The following SNX13 variants were observed in gnomAD, a reference collection of about 807,000 sequenced individuals.
SNX13 encodes sorting nexin-13.
SNX13 carries 45 observed loss-of-function variants against 133.6 expected under a neutral mutation model. The observed-to-expected ratio is 0.34, with a 90% CI of 0.27 to 0.43. The LOEUF is 0.43. Ranked by LOEUF, SNX13 falls within the 20% of genes least tolerant of loss-of-function variation. SNX13 has a pLI of 1.00. For synonymous variants in SNX13, 414 were observed against 373.9 expected (o/e 1.11, Z -1.24); for missense variants, 1,032 against 1,145.1 (o/e 0.90, Z 1.43).
At chr7:17,828,618 T>G (rs917683164) in intron 16 of SNX13, among the ~76,000 whole-genome samples, 2 of 151,624 alleles carry the variant, frequency 1.3e-5, no homozygotes, top group Admixed American at 6.6e-5. Flanking sequence ...TCACTAAAAT[T>G]TGTCTACATG....
chr7:17,933,532 G>C (rs965288439), intron 1 of SNX13, among the ~76,000 whole-genome samples: 3 of 149,960 alleles, frequency 2.0e-5, no homozygotes, highest in African/African-American at 7.4e-5. Flanking sequence ...AACAGAGCGA[G>C]ACTCTGTCTC....
intron 3 of SNX13, among the ~76,000 whole-genome samples, chr7:17,892,410 A>G (rs2127993820): frequency 6.6e-6 from 1 of 151,980 alleles, no homozygotes; most frequent in Admixed American, 6.6e-5. Context: ...AATATTTCCT[A>G]TTCTCTGTAT....
chr7:17,906,085 T>C (rs1422577834), intron 1 of SNX13, among the ~76,000 whole-genome samples: 1 of 152,186 alleles, frequency 6.6e-6, no homozygotes, highest in East Asian at 1.9e-4. Flanking sequence ...TTCAAGAGTT[T>C]CCAAAAAGTA....
At chr7:17,915,752 G>T (rs1799493103) in intron 1 of SNX13, among the ~76,000 whole-genome samples, 1 of 152,144 alleles carries the variant, frequency 6.6e-6, no homozygotes, top group Non-Finnish European at 1.5e-5. Flanking sequence ...GATCAACAAG[G>T]CAGAAAACTA....
intron 1 of SNX13, among the ~76,000 whole-genome samples, chr7:17,939,894 G>C (rs1163391916): frequency 6.6e-6 from 1 of 152,218 alleles, no homozygotes; most frequent in Non-Finnish European, 1.5e-5. Flanking sequence ...CCAGGGACCA[G>C]AGAAAGGAGA....
chr7:17,848,576 C>CAGCT (rs952293109), intron 11 of SNX13, among the ~76,000 whole-genome samples: 13 of 152,188 alleles, frequency 8.5e-5, no homozygotes, highest in African/African-American at 3.1e-4. Flanking sequence ...TCTGACTGGA[C>CAGCT]AGCTGTAGGG....
chr7:17,803,880 T>TAAC (rs1554303735), intron 20 of SNX13, among the ~76,000 whole-genome samples: 2 of 77,738 alleles, frequency 2.6e-5, no homozygotes, highest in African/African-American at 9.3e-5. Flanking sequence ...ACCCCATCTC[T>TAAC]AAAAAAAAAA....
intron 1 of SNX13, among the ~76,000 whole-genome samples, chr7:17,932,711 A>G (rs1194593097): frequency 6.6e-6 from 1 of 152,200 alleles, no homozygotes; most frequent in Admixed American, 6.5e-5. Flanking sequence ...TACTTTCACC[A>G]GGTTGACTCT....
chr7:17,845,083 G>C (rs550535876), intron 12 of SNX13, among the ~76,000 whole-genome samples: 20 of 152,060 alleles, frequency 1.3e-4, no homozygotes, highest in Non-Finnish European at 2.9e-4. Flanking sequence ...GGAAGTACTA[G>C]GCAGAGAAAT....
At chr7:17,836,497 C>T (rs949973944) in intron 13 of SNX13, among the ~76,000 whole-genome samples, 1 of 152,076 alleles carries the variant, frequency 6.6e-6, no homozygotes, top group African/African-American at 2.4e-5. Context: ...CAGAGTGAGA[C>T]TCCGTCTCAA....
chr7:17,794,488 G>A, intron 25 of SNX13, 196 bp from the exon 26 acceptor site: 1 of 612,126 alleles, frequency 1.6e-6, no homozygotes, highest in Non-Finnish European at 2.7e-6. Flanking sequence ...CGCACTTAAT[G>A]CAAAAGCTAC....
At chr7:17,922,713 G>C (rs894564086) in intron 1 of SNX13, among the ~76,000 whole-genome samples, 2 of 151,966 alleles carry the variant, frequency 1.3e-5, no homozygotes, top group African/African-American at 4.8e-5. Flanking sequence ...GAAAGAAAGG[G>C]AGAAGATTTA....
At chr7:17,827,071 G>A (rs1355448735) in intron 16 of SNX13, among the ~76,000 whole-genome samples, 1 of 152,046 alleles carries the variant, frequency 6.6e-6, no homozygotes, top group Non-Finnish European at 1.5e-5. Flanking sequence ...TTTGGTATGT[G>A]CTATATAATC....
intron 9 of SNX13, among the ~76,000 whole-genome samples, chr7:17,853,350 G>A (rs1489013259): frequency 1.3e-5 from 2 of 152,178 alleles, no homozygotes; most frequent in Non-Finnish European, 2.9e-5. Context: ...AAAGCAGGAA[G>A]AGTGGGCTAT....
At chr7:17,851,900 C>T (rs1054062034) in intron 9 of SNX13, among the ~76,000 whole-genome samples, 4 of 151,898 alleles carry the variant, frequency 2.6e-5, no homozygotes, top group Admixed American at 2.6e-4. Context: ...GGAGATGACA[C>T]TTAAAACCAT....
intron 25 of SNX13, chr7:17,794,693 T>C (rs1042768204): frequency 6.4e-6 from 1 of 155,584 alleles, no homozygotes; most frequent in Non-Finnish European, 1.4e-5. Flanking sequence ...TGAAATAATG[T>C]AAAAAGTGAT....
chr7:17,831,242 G>A (rs1193116562), intron 15 of SNX13: 1 of 983,488 alleles, frequency 1.0e-6, no homozygotes, highest in Non-Finnish European at 1.2e-6. Context: ...AGAATTGGAT[G>A]ACTACCTACA....
rs192712348 is a variant in SNX13 at position 17,927,930 on chromosome 7, T to A, written c.12+12354A>T. On this transcript the variant is annotated intron_variant, in intron 1 of 25. Coordinates refer to ENST00000428135, the MANE Select transcript of SNX13 (RefSeq NM_015132.5). ...TACACAAAACTTTTATCACAGCAGT[T>A]CCCTGGTACAAAAGCAAGATAAAAC... 5.7e-3 allele frequency among the ~76,000 whole-genome samples: 868 copies of A among 152,278 alleles called. 5 individuals are homozygous for A. The highest frequency in any genetic ancestry group is 0.017 in the Middle Eastern group (5 of 294).
chr7:17,887,683 A>G (rs1339612169), intron 5 of SNX13, among the ~76,000 whole-genome samples: 1 of 152,218 alleles, frequency 6.6e-6, no homozygotes, highest in African/African-American at 2.4e-5. Context: ...CTCAAAACAT[A>G]CATTATTTTC....
Sources: gnomAD v4.1 joint callset for allele counts (sites outside exome capture counted in the v4.1 genomes callset) on GRCh38, gnomAD v4.1.1 for gene constraint, MANE v1.5 for transcripts, NCBI Gene and HGNC (gene_info 2026-07-23, HGNC 2026-07-21) for gene names.